Variants in ANKRD28 observed in about 807,000 individuals in gnomAD.
The protein encoded by ANKRD28 is serine/threonine-protein phosphatase 6 regulatory ankyrin repeat subunit A.
ANKRD28 carries 44 observed loss-of-function variants against 126.5 expected under a neutral mutation model. The observed-to-expected ratio is 0.35, with a 90% CI of 0.27 to 0.45. The LOEUF (loss-of-function observed/expected upper bound fraction) is 0.45, where lower values mean the gene tolerates loss of function less well. Ranked by LOEUF, ANKRD28 falls within the 20% of genes least tolerant of loss-of-function variation. The pLI, the probability that ANKRD28 is intolerant of heterozygous loss-of-function variation, is 1.00. For missense variants in ANKRD28, 1,110 were observed against 1,316.6 expected (o/e 0.84, Z 2.43); for synonymous variants, 442 against 468.5 (o/e 0.94, Z 0.73).
intron 27 of ANKRD28, 142 bp from the exon 28 acceptor site, chr3:15,670,698 C>T (rs1042597357): frequency 2.5e-5 from 22 of 876,682 alleles, no homozygotes; most frequent in Admixed American, 8.8e-5. Flanking sequence ...CAGCATGATT[C>T]GCAAGTTTCT....
intron 1 of ANKRD28, among the ~76,000 whole-genome samples, chr3:15,844,764 TCA>T (rs2061495525): frequency 6.6e-6 from 1 of 152,200 alleles, no homozygotes. Context: ...ATACAGAAAT[TCA>T]GTTTTATAAT....
intron 17 of ANKRD28, among the ~76,000 whole-genome samples, chr3:15,691,998 G>A (rs13323511): frequency 0.041 from 6,260 of 151,848 alleles, 421 homozygotes; most frequent in African/African-American, 0.14. Flanking sequence ...AAATAAGCTG[G>A]ACCTGGTGGC....
In ANKRD28 at chr3:15,830,626, C is replaced by T. The variant is rs1245048043; in HGVS notation, c.27+28751G>A. Reference sequence around the variant, plus strand: ...AAATTGTCTTCCACGAAACTGGTCCCTGGTGCCAAAAACACTGGGGACTGC... The same window carrying T: ...AAATTGTCTTCCACGAAACTGGTCCTTGGTGCCAAAAACACTGGGGACTGC... On this transcript the variant is annotated intron_variant, in intron 1 of 27. Transcript: ENST00000399451. The surrounding 1 kb of genome is among the most constrained non-coding windows in gnomAD (Gnocchi z 4.5). Among the ~76,000 whole-genome samples the T allele has an allele frequency of 6.6e-6, 1 of 151,996 alleles. No homozygotes were observed.
intron 2 of ANKRD28, among the ~76,000 whole-genome samples, chr3:15,780,732 A>G (rs889977586): frequency 6.6e-6 from 1 of 152,314 alleles, no homozygotes; most frequent in Admixed American, 6.5e-5. Flanking sequence ...CACAGTGACC[A>G]ATGGAACAGG....
intron 8 of ANKRD28, among the ~76,000 whole-genome samples, chr3:15,716,894 T>C (rs1315193450): frequency 6.6e-6 from 1 of 152,124 alleles, no homozygotes; most frequent in African/African-American, 2.4e-5. Flanking sequence ...CTCAGGAGTT[T>C]GAGGCTGAAG....
intron 8 of ANKRD28, among the ~76,000 whole-genome samples, chr3:15,717,735 T>C (rs991806220): frequency 6.6e-6 from 1 of 152,168 alleles, no homozygotes; most frequent in Non-Finnish European, 1.5e-5. Context: ...AACGTGTGCA[T>C]ATAAATGAAG....
At chr3:15,859,486 C>G (rs1283837381) in exon 1 of ANKRD28, 2 of 1,322,898 alleles carry the variant, frequency 1.5e-6, no homozygotes, top group Non-Finnish European at 2.1e-6. Context: ...TGCTCCCGCC[C>G]CAGTAGCCTT....
chr3:15,780,972 C>T (rs2059510276), intron 2 of ANKRD28, among the ~76,000 whole-genome samples: 1 of 151,658 alleles, frequency 6.6e-6, no homozygotes, highest in Non-Finnish European at 1.5e-5. Context: ...AAACTATAAA[C>T]AAGGCGGGGA....
At chr3:15,783,151 C>A (rs901700294) in intron 2 of ANKRD28, among the ~76,000 whole-genome samples, 1 of 151,580 alleles carries the variant, frequency 6.6e-6, no homozygotes, top group Non-Finnish European at 1.5e-5. Flanking sequence ...AATACAGCCA[C>A]AGATCGAGGA....
At chr3:15,804,777 T>A (rs1424281920) in intron 1 of ANKRD28, among the ~76,000 whole-genome samples, 2 of 145,214 alleles carry the variant, frequency 1.4e-5, no homozygotes, top group East Asian at 3.0e-4. Flanking sequence ...CAAAATGTCA[T>A]CTACAAAGAA....
At chr3:15,749,093 A>AT (rs1559466121) in intron 4 of ANKRD28, among the ~76,000 whole-genome samples, 23 of 57,788 alleles carry the variant, frequency 4.0e-4, no homozygotes, top group African/African-American at 6.9e-4. Flanking sequence ...ATTCTATATT[A>AT]TGTTTTTGTT....
chr3:15,734,406 T>C (rs1000737821), intron 6 of ANKRD28, among the ~76,000 whole-genome samples: 28 of 152,202 alleles, frequency 1.8e-4, no homozygotes, highest in African/African-American at 5.3e-4. Flanking sequence ...GTAATGTGAC[T>C]GGTAAATCAG....
At chr3:15,767,979 C>T (rs1344216094) in intron 2 of ANKRD28, among the ~76,000 whole-genome samples, 1 of 152,032 alleles carries the variant, frequency 6.6e-6, no homozygotes, top group Non-Finnish European at 1.5e-5. Flanking sequence ...CTGGAAGGCA[C>T]ATGTGAAACT....
chr3:15,805,308 A>G (rs1252894048), intron 1 of ANKRD28, among the ~76,000 whole-genome samples: 2 of 152,196 alleles, frequency 1.3e-5, no homozygotes, highest in Admixed American at 1.3e-4. Flanking sequence ...AATGTCTTTA[A>G]AAGTTAGGTT....
intron 27 of ANKRD28, among the ~76,000 whole-genome samples, chr3:15,671,392 T>A (rs2066332935): frequency 6.6e-6 from 1 of 152,150 alleles, no homozygotes; most frequent in African/African-American, 2.4e-5. Context: ...TTAATAGTTT[T>A]ATCACATAAC....
intron 4 of ANKRD28, among the ~76,000 whole-genome samples, chr3:15,737,609 T>G: frequency 3.9e-5 from 1 of 25,554 alleles, no homozygotes; most frequent in Admixed American, 4.8e-4. Context: ...GGACTACAGG[T>G]GCATGCCACC....
chr3:15,704,689 CCAATTTAAGAAAAATATTTTTTA>C (rs1376190802), intron 14 of ANKRD28, among the ~76,000 whole-genome samples: 7 of 151,714 alleles, frequency 4.6e-5, no homozygotes, highest in Admixed American at 2.0e-4. Context: ...ACAATTGTAC[CCAATTTAAGAAAAATATTTTTTA>C]CAATTTAAGA....
intron 6 of ANKRD28, among the ~76,000 whole-genome samples, chr3:15,729,544 T>C (rs2074422753): frequency 6.6e-6 from 1 of 152,230 alleles, no homozygotes; most frequent in Non-Finnish European, 1.5e-5. Context: ...TCTTGATATG[T>C]TCCACAAGGC....
chr3:15,834,580 T>A (rs935032965), intron 1 of ANKRD28, among the ~76,000 whole-genome samples: 2 of 151,840 alleles, frequency 1.3e-5, no homozygotes, highest in African/African-American at 4.8e-5. Flanking sequence ...GGGGAAAAAA[T>A]CCACTGAAAA....
Sources: allele counts gnomAD v4.1 joint callset (sites outside exome capture counted in the v4.1 genomes callset), GRCh38; gene constraint gnomAD v4.1.1; non-coding constraint Gnocchi (gnomAD v3.1); transcripts MANE v1.5; gene names NCBI Gene and HGNC (gene_info 2026-07-23, HGNC 2026-07-21).